RAPGEFL1: variants seen among roughly 807,000 people sequenced by gnomAD.
RAPGEFL1 encodes Rap guanine nucleotide exchange factor like 1, also known as rap guanine nucleotide exchange factor-like 1.
A neutral mutation model predicts 64.4 loss-of-function variants in RAPGEFL1; 31 were observed. The observed-to-expected ratio is 0.48, with a 90% CI of 0.36 to 0.65. The LOEUF (loss-of-function observed/expected upper bound fraction) is 0.65, where lower values mean the gene tolerates loss of function less well. Ranked by LOEUF, RAPGEFL1 falls within the 30% of genes least tolerant of loss-of-function variation. RAPGEFL1 has a pLI of 0.00. For missense variants in RAPGEFL1, 682 were observed against 677.4 expected (o/e 1.01, Z -0.08); for synonymous variants, 331 against 274.1 (o/e 1.21, Z -2.05).
At chr17:40,181,919 T>C (rs987645617) in intron 2 of RAPGEFL1, among the ~76,000 whole-genome samples, 1 of 151,754 alleles carries the variant, frequency 6.6e-6, no homozygotes, top group African/African-American at 2.4e-5. Flanking sequence ...CCATCTCTAC[T>C]AAAAATAGAA....
intron 11 of RAPGEFL1, 121 bp from the exon 12 acceptor site, chr17:40,192,485 C>T (rs541812814): frequency 2.6e-4 from 248 of 967,134 alleles, no homozygotes; most frequent in Non-Finnish European, 3.5e-4. Flanking sequence ...CATTAGAAAG[C>T]CCCCAGCACC....
At position 40,178,251 on chromosome 17, in the gene RAPGEFL1, G is replaced by A; in HGVS notation, c.390G>A (p.Glu130=). Residue 130 remains glutamate (E), a synonymous_variant, in exon 1 of 15, where the codon GAG becomes GAA. Coordinates refer to ENST00000620260, the MANE Select transcript of RAPGEFL1 (RefSeq NM_016339.6). ...LRSPSSYSSD[E]LSPGEPLTSP... ...CCCCTTCCTCCTACTCATCTGACGAGCTGTCCCCAGGCGAGCCCTTGACTT... is the reference window on the plus strand; with the variant it reads ...CCCCTTCCTCCTACTCATCTGACGAACTGTCCCCAGGCGAGCCCTTGACTT... The A allele has an allele frequency of 1.5e-6, 1 of 645,520 alleles. No individual in the cohort carries two copies. The highest frequency in any genetic ancestry group is 3.2e-5 in the East Asian group (1 of 31,370). The allele number at this position is 645,520 out of a possible 1,614,324, so 40.0% of individuals were successfully genotyped here. A position where few individuals can be genotyped will look rare whatever the true frequency, so the allele number is the denominator to read the frequency against.
chr17:40,193,231 G>C (rs1990339598), intron 13 of RAPGEFL1, 132 bp from the exon 14 acceptor site: 1 of 1,081,490 alleles, frequency 9.2e-7, no homozygotes, highest in African/African-American at 1.6e-5. Context: ...CCACTCCTTT[G>C]GTCCTTCAGA....
Position 40,192,116 on chromosome 17 carries a change from C to A in RAPGEFL1, c.1606-97C>A, listed in dbSNP as rs1047466612. On this transcript the variant is annotated intron_variant, in intron 10 of 14. Coordinates refer to ENST00000620260, the MANE Select transcript of RAPGEFL1 (RefSeq NM_016339.6). ...CCCAGCCCCCTACAAGCCATGCAGG[C>A]CCTTTTGCCCTCCAACAGGGAGAAT... 6.7e-5 allele frequency: 76 copies of A among 1,136,090 alleles called. No homozygotes were observed. The South Asian group carries it at 6.7e-4, about 10-fold the overall frequency. The allele number at this position is 1,136,090 out of a possible 1,614,324, so 70.4% of individuals were successfully genotyped here.
rs1371885660 is a variant in RAPGEFL1 at position 40,181,669 on chromosome 17, A to G, written c.574A>G (p.Lys192Glu). 1 of 702,762 alleles carries G rather than the reference A, an allele frequency of 1.4e-6. No homozygotes were observed. The highest frequency in any genetic ancestry group is 1.5e-5 in the South Asian group (1 of 67,606). The allele number at this position is 702,762 out of a possible 1,614,324, so 43.5% of individuals were successfully genotyped here. Residue 192 changes from lysine (K) to glutamate (E), a missense_variant, in exon 2 of 15, where the codon AAA (lysine) becomes GAA (glutamate). Lys to Glu is a moderately conservative substitution (Grantham distance 56). Coordinates refer to ENST00000620260, the MANE Select transcript of RAPGEFL1 (RefSeq NM_016339.6). ...CCATTCTCTCTTCCTCCCGACGGAG[A>G]AATTTCTGCAGGAGCTACACCAGTA... ...LTHSLFLPTEKFLQELHQYFV... is the reference protein window; with the variant it reads ...LTHSLFLPTEEFLQELHQYFV...
chr17:40,179,775 C>A (rs1287468128), intron 1 of RAPGEFL1, among the ~76,000 whole-genome samples: 1 of 152,176 alleles, frequency 6.6e-6, no homozygotes, highest in African/African-American at 2.4e-5. Flanking sequence ...CACTTGCTCT[C>A]AGCCCTCGGC....
chr17:40,191,229 G>T lies in RAPGEFL1; in HGVS notation c.1336-87G>T. On this transcript the variant is annotated intron_variant, in intron 8 of 14. Coordinates refer to ENST00000620260, the MANE Select transcript of RAPGEFL1 (RefSeq NM_016339.6). The surrounding 1 kb of genome is among the most constrained non-coding windows in gnomAD (Gnocchi z 5.1). ...TTCCGCCCCCGCCCTCCTGCCTTTC[G>T]CTCCTCATCGCCTTGCACTGCCATC... 1.1e-5 allele frequency: 13 copies of T among 1,222,964 alleles called. No homozygotes were observed. The highest frequency in any genetic ancestry group is 5.0e-5 in the South Asian group (3 of 60,054). 75.8% of individuals were successfully genotyped at this position (1,222,964 alleles called of 1,614,324 possible). A position where few individuals can be genotyped will look rare whatever the true frequency, so the allele number is the denominator to read the frequency against.
At chr17:40,184,164 C>T (rs1192448722) in intron 2 of RAPGEFL1, 50 bp from the exon 3 acceptor site, 5 of 1,348,626 alleles carry the variant, frequency 3.7e-6, no homozygotes, top group Non-Finnish European at 5.3e-6. Flanking sequence ...TCTTTCTTCT[C>T]AATTCCTCAG....
intron 13 of RAPGEFL1, 102 bp downstream of exon 13, chr17:40,193,092 C>T (rs1467180160): frequency 1.7e-6 from 2 of 1,173,200 alleles, no homozygotes; most frequent in African/African-American, 3.0e-5. Context: ...CTCCAAGTGC[C>T]CAGCTTGCCT....
At chr17:40,177,031 C>T (rs1330722105), upstream of RAPGEFL1, 2 of 701,290 alleles carry the variant, frequency 2.9e-6, no homozygotes, top group Non-Finnish European at 5.2e-6. Flanking sequence ...CCAGAGAGGA[C>T]AGATGGGCAC....
chr17:40,180,816 G>C (rs1989871687), intron 1 of RAPGEFL1, among the ~76,000 whole-genome samples: 1 of 152,358 alleles, frequency 6.6e-6, no homozygotes, highest in South Asian at 2.1e-4. Context: ...TCCTGGGACA[G>C]TGCCTGGGGA....
At chr17:40,189,435 T>C in intron 6 of RAPGEFL1, 60 bp downstream of exon 6, 1 of 1,575,986 alleles carries the variant, frequency 6.3e-7, no homozygotes, top group South Asian at 1.1e-5. Context: ...AGCTCAGGGC[T>C]CTGGGGGAGG....
intron 4 of RAPGEFL1, among the ~76,000 whole-genome samples, chr17:40,185,540 A>AAAAAT (rs368909635): frequency 4.7e-5 from 7 of 147,428 alleles, no homozygotes; most frequent in African/African-American, 1.6e-4. Context: ...AAAAAAAAAA[A>AAAAAT]GGCTGTGTGC....
intron 4 of RAPGEFL1, 134 bp from the exon 5 acceptor site, chr17:40,188,732 C>T (rs865976260): frequency 1.4e-6 from 1 of 691,452 alleles, no homozygotes. Context: ...CTCTTCTGAC[C>T]CCCTTAACCA....
chr17:40,193,064 C>A, intron 13 of RAPGEFL1, 74 bp downstream of exon 13: 1 of 1,353,310 alleles, frequency 7.4e-7, no homozygotes, highest in Non-Finnish European at 1.1e-6. Flanking sequence ...TCATCACCTC[C>A]CAAAAATAGC....
chr17:40,190,262 A>G (rs1315132498), intron 6 of RAPGEFL1, among the ~76,000 whole-genome samples, 172 bp from the exon 7 acceptor site: 2 of 152,258 alleles, frequency 1.3e-5, no homozygotes, highest in Non-Finnish European at 2.9e-5. Context: ...AAAAGAAATA[A>G]TCATTTGACA....
Position 40,190,735 on chromosome 17 carries a change from C to A in RAPGEFL1, c.1308C>A (p.His436Gln). The change falls in exon 8 of 15, where the codon CAC becomes CAA. Residue 436 changes from histidine to glutamine, a missense_variant. By Grantham distance (24) the His-to-Gln change is conservative (BLOSUM62 0). Around this residue, in one of 2 missense-constraint regions of RAPGEFL1, gnomAD observed 411 missense variants for 519.4 expected, o/e 0.79. Coordinates refer to ENST00000620260, the MANE Select transcript of RAPGEFL1 (RefSeq NM_016339.6). ...EDVANHLTAF[H>Q]WELFRCVHEL... is the part of the protein sequence containing the mutation. Reference sequence around the variant, plus strand: ...TTGCCAACCACCTAACTGCCTTCCACTGGGAGCTGTTCCGATGTGTGCATG... The same window carrying A: ...TTGCCAACCACCTAACTGCCTTCCAATGGGAGCTGTTCCGATGTGTGCATG... 1.2e-6 allele frequency: 2 copies of A among 1,614,188 alleles called. No individual in the cohort carries two copies. Among genetic ancestry groups the A allele is most frequent in the Non-Finnish European group, 8.5e-7 (1 of 1,180,034 alleles).
intron 4 of RAPGEFL1, chr17:40,188,568 A>T (rs920481312): frequency 5.0e-6 from 2 of 399,998 alleles, no homozygotes; most frequent in Non-Finnish European, 9.4e-6. Flanking sequence ...AGAAGAGATA[A>T]GAGGTGAACA....
At chr17:40,182,247 A>G (rs920343157) in intron 2 of RAPGEFL1, among the ~76,000 whole-genome samples, 2 of 152,154 alleles carry the variant, frequency 1.3e-5, no homozygotes, top group Admixed American at 6.5e-5. Context: ...TGCTATGAAG[A>G]TCAGTCTGAT....
Sources: allele counts gnomAD v4.1 joint callset (sites outside exome capture counted in the v4.1 genomes callset), GRCh38; gene constraint gnomAD v4.1.1; regional missense constraint gnomAD v4.1.1; non-coding constraint Gnocchi (gnomAD v3.1); transcripts MANE v1.5; gene names NCBI Gene and HGNC (gene_info 2026-07-23, HGNC 2026-07-21).